CDYL: variants seen among roughly 807,000 people sequenced by gnomAD.
CDYL encodes chromodomain Y like.
Under a neutral mutation model 47.3 loss-of-function variants are expected in CDYL, and 8 were observed. That is an observed-to-expected ratio of 0.17 (90% CI 0.10 to 0.31). The LOEUF is 0.31. Ranked by LOEUF, CDYL falls within the 10% of genes least tolerant of loss-of-function variation. CDYL has a pLI of 1.00. For synonymous variants in CDYL, 266 were observed against 265.0 expected (o/e 1.00, Z -0.04); for missense variants, 471 against 701.4 (o/e 0.67, Z 3.71).
In CDYL at chr6:4,891,928, G is replaced by T. The variant is rs765139049; in HGVS notation, c.240G>T (p.Arg80Ser). The change falls in exon 2 of 7, where the codon AGG becomes AGT. Residue 80 changes from arginine to serine, a missense_variant. By Grantham distance (110) the Arg-to-Ser change is moderately radical. Around this residue, in one of 3 missense-constraint regions of CDYL, gnomAD observed 311 missense variants for 350.0 expected, o/e 0.89. Transcript: ENST00000397588. ...ACAGGACCTCTCCCAACAATGCTAG[G>T]AAACAAATCTCCAGATCCACCAACA... ...RTNRTSPNNA[R>S]KQISRSTNSN... 2.5e-6 allele frequency: 4 copies of T among 1,614,110 alleles called. No individual in the cohort carries two copies. The highest frequency in any genetic ancestry group is 3.4e-6 in the Non-Finnish European group (4 of 1,180,046).
intron 1 of CDYL, among the ~76,000 whole-genome samples, chr6:4,709,927 A>G (rs1414143125): frequency 6.6e-6 from 1 of 152,028 alleles, no homozygotes; most frequent in Non-Finnish European, 1.5e-5. Flanking sequence ...TTTCCCCTTA[A>G]AACATCTCTT....
At chr6:4,788,447 C>T (rs1003378017) in intron 1 of CDYL, among the ~76,000 whole-genome samples, 1 of 130,598 alleles carries the variant, frequency 7.7e-6, no homozygotes, top group Non-Finnish European at 1.6e-5. Flanking sequence ...CACCTCACTG[C>T]ACTCCAGCCT....
At chr6:4,796,250 G>C (rs1261848244) in intron 1 of CDYL, among the ~76,000 whole-genome samples, 1 of 152,050 alleles carries the variant, frequency 6.6e-6, no homozygotes, top group South Asian at 2.1e-4. Context: ...TTTTTGAGTA[G>C]GATATTTATT....
intron 2 of CDYL, among the ~76,000 whole-genome samples, chr6:4,916,793 G>A (rs538521950): frequency 6.6e-6 from 1 of 152,278 alleles, no homozygotes; most frequent in South Asian, 2.1e-4. Flanking sequence ...ATTTTCTTAT[G>A]ATGCTTCCTA....
intron 2 of CDYL, among the ~76,000 whole-genome samples, chr6:4,934,258 T>C (rs1252329853): frequency 1.3e-5 from 2 of 152,174 alleles, no homozygotes; most frequent in Non-Finnish European, 2.9e-5. Context: ...GTGGGGGGCT[T>C]TCACCTTAAT....
intron 4 of CDYL, among the ~76,000 whole-genome samples, chr6:4,940,018 G>A (rs562549475): frequency 3.9e-5 from 6 of 152,168 alleles, no homozygotes; most frequent in South Asian, 2.1e-4. Flanking sequence ...TCCCTCCAGC[G>A]TTGAATTCCC....
intron 2 of CDYL, among the ~76,000 whole-genome samples, chr6:4,913,913 G>A (rs765331257): frequency 6.6e-6 from 1 of 152,238 alleles, no homozygotes; most frequent in Non-Finnish European, 1.5e-5. Context: ...TAGCCTGTTG[G>A]CCACCCAAGT....
intron 1 of CDYL, among the ~76,000 whole-genome samples, chr6:4,807,768 T>G (rs892197473): frequency 2.0e-5 from 3 of 151,650 alleles, no homozygotes; most frequent in Non-Finnish European, 4.4e-5. Flanking sequence ...CACACCTGAC[T>G]AATTTTTAAT....
intron 1 of CDYL, among the ~76,000 whole-genome samples, chr6:4,819,154 CTCTCTCTCTGTGTG>C (rs1237219385): frequency 1.7e-4 from 24 of 137,682 alleles, no homozygotes; most frequent in South Asian, 4.4e-4. Context: ...CTCTCTCTCT[CTCTCTCTCTGTGTG>C]TGTGTGTGTG....
chr6:4,806,047 C>T (rs1434143731), intron 1 of CDYL, among the ~76,000 whole-genome samples: 1 of 152,256 alleles, frequency 6.6e-6, no homozygotes, highest in Non-Finnish European at 1.5e-5. Flanking sequence ...AGCCTGCCTG[C>T]TGCTGAGATT....
chr6:4,793,639 G>T (rs762219198), intron 1 of CDYL, among the ~76,000 whole-genome samples: 1 of 152,200 alleles, frequency 6.6e-6, no homozygotes, highest in Non-Finnish European at 1.5e-5. Context: ...GGGAGACTTA[G>T]AAGGAAGCCG....
At chr6:4,935,898 A>G in intron 3 of CDYL, 127 bp downstream of exon 3, 1 of 1,422,828 alleles carries the variant, frequency 7.0e-7, no homozygotes, top group African/African-American at 1.4e-5. Context: ...CCCGATGCCC[A>G]CCAGAAGGGA....
intron 1 of CDYL, among the ~76,000 whole-genome samples, chr6:4,846,589 G>C (rs1390580817): frequency 2.0e-5 from 3 of 152,148 alleles, no homozygotes; most frequent in African/African-American, 4.8e-5. Context: ...CCAGAAAATA[G>C]GTGATTTATT....
At chr6:4,937,428 A>G (rs9502253) in intron 3 of CDYL, 137 bp from the exon 4 acceptor site, 1 of 580,680 alleles carries the variant, frequency 1.7e-6, no homozygotes, top group South Asian at 3.3e-5. Flanking sequence ...CCCAGGAGTT[A>G]GAGAGCACAG....
chr6:4,849,868 A>G (rs568276453), intron 1 of CDYL, among the ~76,000 whole-genome samples: 3 of 133,144 alleles, frequency 2.3e-5, no homozygotes, highest in Non-Finnish European at 4.6e-5. Context: ...AGTGTGTTTG[A>G]TGGTGAGATG....
chr6:4,854,146 C>A (rs1760935271), intron 1 of CDYL, among the ~76,000 whole-genome samples: 1 of 145,860 alleles, frequency 6.9e-6, no homozygotes, highest in Non-Finnish European at 1.5e-5. Context: ...TCTTCGTAGG[C>A]TGCTAGTTCT....
intron 1 of CDYL, among the ~76,000 whole-genome samples, chr6:4,841,947 T>G (rs1367582760): frequency 6.8e-6 from 1 of 147,360 alleles, no homozygotes; most frequent in African/African-American, 2.5e-5. Context: ...ATTGTTTCTT[T>G]GTTGACTTTA....
chr6:4,925,316 G>A (rs191618562), intron 2 of CDYL, among the ~76,000 whole-genome samples: 5 of 152,000 alleles, frequency 3.3e-5, no homozygotes, highest in Non-Finnish European at 7.4e-5. Flanking sequence ...GGCTAAGAAT[G>A]AGCACATTTA....
At chr6:4,840,430 T>G (rs1362221711) in intron 1 of CDYL, among the ~76,000 whole-genome samples, 1 of 152,140 alleles carries the variant, frequency 6.6e-6, no homozygotes, top group Admixed American at 6.5e-5. Flanking sequence ...TGGCTATGAC[T>G]TGCAGTATGT....
Sources: gnomAD v4.1 joint callset for allele counts (sites outside exome capture counted in the v4.1 genomes callset) on GRCh38, gnomAD v4.1.1 for gene constraint, gnomAD v4.1.1 regional missense constraint, MANE v1.5 for transcripts, NCBI Gene and HGNC (gene_info 2026-07-23, HGNC 2026-07-21) for gene names.